CSMD1: variants seen among roughly 807,000 people sequenced by gnomAD.
CSMD1 encodes CUB and Sushi multiple domains 1.
In CSMD1, 213 loss-of-function variants were observed where a neutral mutation model predicts 417.5. The ratio of observed to expected loss-of-function variants is 0.51; its 90% CI spans 0.46 to 0.57. The LOEUF is 0.57. Among genes scored for constraint, CSMD1 ranks in the 20% least tolerant of loss-of-function variants. The pLI is 0.00. For synonymous variants in CSMD1, 2,862 were observed against 1,736.8 expected, an observed-to-expected ratio of 1.65 and a Z score of -16.11; for missense variants, 6,923 against 4,529.7, an observed-to-expected ratio of 1.53 and a Z score of -15.17.
intron 15 of CSMD1, among the ~76,000 whole-genome samples, chr8:3,402,617 T>C (rs1812104046): frequency 6.6e-6 from 1 of 152,206 alleles, no homozygotes; most frequent in Non-Finnish European, 1.5e-5. Flanking sequence ...ATTGCTCTAT[T>C]GTGAGCTTTT....
chr8:4,523,075 A>G (rs76907620), intron 2 of CSMD1, among the ~76,000 whole-genome samples: 9,755 of 152,278 alleles, frequency 0.064, 391 homozygotes, highest in Middle Eastern at 0.085. Context: ...TCACAGATAT[A>G]GAAACTCCAA....
At chr8:4,286,619 T>C (rs1797069898) in intron 3 of CSMD1, among the ~76,000 whole-genome samples, 1 of 152,106 alleles carries the variant, frequency 6.6e-6, no homozygotes, top group Admixed American at 6.6e-5. Flanking sequence ...GGAACACCAC[T>C]TGACCTCGAA....
chr8:3,479,815 C>A (rs149846920), intron 11 of CSMD1, among the ~76,000 whole-genome samples: 3,512 of 151,300 alleles, frequency 0.023, 145 homozygotes, highest in African/African-American at 0.079. Flanking sequence ...AAAGCCAGGT[C>A]GCTTAAAAAT....
At chr8:3,393,280 T>C (rs1811457435) in intron 17 of CSMD1, among the ~76,000 whole-genome samples, 1 of 152,150 alleles carries the variant, frequency 6.6e-6, no homozygotes, top group Non-Finnish European at 1.5e-5. Context: ...ATTTCCTGTC[T>C]TCACTCACTA....
At chr8:3,763,925 G>T (rs1043856232) in intron 5 of CSMD1, among the ~76,000 whole-genome samples, 1 of 152,036 alleles carries the variant, frequency 6.6e-6, no homozygotes, top group East Asian at 1.9e-4. Flanking sequence ...AACCTCTATG[G>T]GAATCAAAAG....
intron 3 of CSMD1, among the ~76,000 whole-genome samples, chr8:4,126,104 C>G (rs572356814): frequency 1.5e-4 from 23 of 152,062 alleles, no homozygotes; most frequent in African/African-American, 5.5e-4. Flanking sequence ...AAGAAAAACT[C>G]ACTTTGACCC....
intron 7 of CSMD1, among the ~76,000 whole-genome samples, chr8:3,621,083 G>C (rs1419032927): frequency 2.0e-5 from 3 of 152,184 alleles, no homozygotes; most frequent in African/African-American, 7.2e-5. Context: ...GACACAAGAA[G>C]AGAGTCATCC....
intron 1 of CSMD1, among the ~76,000 whole-genome samples, chr8:4,950,309 T>G (rs1808654765): frequency 6.6e-6 from 1 of 152,136 alleles, no homozygotes; most frequent in African/African-American, 2.4e-5. Context: ...AGTAAATGAT[T>G]TTCTCAAGTG....
At chr8:3,628,717 G>A (rs1415926535) in intron 7 of CSMD1, among the ~76,000 whole-genome samples, 2 of 152,066 alleles carry the variant, frequency 1.3e-5, no homozygotes, top group Admixed American at 6.5e-5. Context: ...GCACCCTGCA[G>A]ATCACGTCAC....
intron 1 of CSMD1, among the ~76,000 whole-genome samples, chr8:4,816,221 G>A (rs961388699): frequency 1.3e-5 from 2 of 151,844 alleles, no homozygotes; most frequent in African/African-American, 4.8e-5. Flanking sequence ...GTCTCGCTCT[G>A]TTGCCCAGTT....
chr8:4,842,935 C>A (rs1420704423), intron 1 of CSMD1, among the ~76,000 whole-genome samples: 2 of 152,116 alleles, frequency 1.3e-5, no homozygotes, highest in Non-Finnish European at 2.9e-5. Context: ...CCTGGATGAC[C>A]AGTGTATGTG....
chr8:3,576,684 C>G (rs553831957), intron 9 of CSMD1, among the ~76,000 whole-genome samples: 1 of 152,298 alleles, frequency 6.6e-6, no homozygotes, highest in Admixed American at 6.5e-5. Context: ...CTAAAGGTCA[C>G]TGGACAAAGG....
chr8:3,828,328 A>G (rs183568876), intron 5 of CSMD1, among the ~76,000 whole-genome samples: 18 of 152,362 alleles, frequency 1.2e-4, no homozygotes, highest in Admixed American at 8.5e-4. Context: ...TCACTTAAGT[A>G]TAATGAATCT....
chr8:4,234,460 T>A (rs73658497), intron 3 of CSMD1, among the ~76,000 whole-genome samples: 8,583 of 152,158 alleles, frequency 0.056, 636 homozygotes, highest in East Asian at 0.38. Flanking sequence ...CATTTCTCTG[T>A]GTGGCCATTT....
chr8:4,680,107 C>A (rs1021248630), intron 1 of CSMD1, among the ~76,000 whole-genome samples: 1 of 152,108 alleles, frequency 6.6e-6, no homozygotes, highest in Non-Finnish European at 1.5e-5. Flanking sequence ...ATCATAGATA[C>A]CTTGCACAGT....
At chr8:3,574,709 T>A (rs556839199) in intron 10 of CSMD1, among the ~76,000 whole-genome samples, 1 of 152,232 alleles carries the variant, frequency 6.6e-6, no homozygotes, top group Admixed American at 6.5e-5. Context: ...AGGAGGAATG[T>A]AGACTTTCTC....
At chr8:4,332,376 G>T (rs924353937) in intron 3 of CSMD1, among the ~76,000 whole-genome samples, 2 of 152,046 alleles carry the variant, frequency 1.3e-5, no homozygotes, top group African/African-American at 2.4e-5. Flanking sequence ...TCAAATTAAC[G>T]ATTCCTACCA....
At chr8:4,639,607 G>C (rs1227016589) in intron 1 of CSMD1, among the ~76,000 whole-genome samples, 1 of 152,188 alleles carries the variant, frequency 6.6e-6, no homozygotes, top group Non-Finnish European at 1.5e-5. Flanking sequence ...AGAAAGTTTT[G>C]AAGGGACCTG....
rs566455231 is a variant in CSMD1 at position 4,607,694 on chromosome 8, C to T, written c.302+29648G>A. On this transcript the variant is annotated intron_variant, in intron 2 of 69. Coordinates refer to ENST00000635120, the MANE Select transcript of CSMD1 (RefSeq NM_033225.6). ...AAATTTCCACCTTTTTTCCAGCAAT[C>T]TTCGTGAGTATTCCACCCCTTGGTT... 4.6e-4 allele frequency among the ~76,000 whole-genome samples: 70 copies of T among 152,266 alleles called. No individual in the cohort carries two copies. In the South Asian group the frequency reaches 0.014, roughly 30 times the overall value.
Sources: gnomAD v4.1 joint callset for allele counts (sites outside exome capture counted in the v4.1 genomes callset) on GRCh38, gnomAD v4.1.1 for gene constraint, MANE v1.5 for transcripts, NCBI Gene and HGNC (gene_info 2026-07-23, HGNC 2026-07-21) for gene names.